GUCY2F: variants seen among roughly 807,000 people sequenced by gnomAD.
GUCY2F encodes the protein guanylate cyclase 2F, retinal.
A neutral mutation model predicts 73.1 loss-of-function variants in GUCY2F; 61 were observed. The ratio of observed to expected loss-of-function variants is 0.83; its 90% CI spans 0.68 to 1.03. GUCY2F has a LOEUF of 1.03. GUCY2F is among the 50% of genes least tolerant of loss of function. The pLI, the probability that GUCY2F is intolerant of heterozygous loss-of-function variation, is 0.00. For synonymous variants in GUCY2F, 331 were observed against 307.8 expected (o/e 1.08, Z -0.79); for missense variants, 912 against 854.3 (o/e 1.07, Z -0.84).
intron 10 of GUCY2F, among the ~76,000 whole-genome samples, chrX:109,401,923 A>T (rs1224919041): frequency 3.6e-5 from 4 of 111,443 alleles, no homozygotes; most frequent in Admixed American, 2.9e-4. Flanking sequence ...TAAATAAACA[A>T]CTAGAAGCAG....
chrX:109,446,670 C>A (rs1156779709), intron 6 of GUCY2F, among the ~76,000 whole-genome samples: 1 of 111,829 alleles, frequency 8.9e-6, no homozygotes, highest in African/African-American at 3.3e-5. Flanking sequence ...ACCATAAAAA[C>A]CCTAGAAGAA....
chrX:109,392,694 T>C (rs1930596359), intron 13 of GUCY2F, among the ~76,000 whole-genome samples, 198 bp downstream of exon 13: 1 of 111,694 alleles, frequency 9.0e-6, no homozygotes, highest in Non-Finnish European at 1.9e-5. Context: ...TAGTGGAAAA[T>C]TAGGATGTGT....
At chrX:109,447,497 C>T (rs1357598511) in intron 6 of GUCY2F, among the ~76,000 whole-genome samples, 1 of 109,158 alleles carries the variant, frequency 9.2e-6, no homozygotes, top group Non-Finnish European at 1.9e-5. Flanking sequence ...AAGCTGGAAA[C>T]CATCATTCTC....
chrX:109,413,912 G>T (rs1186981082), intron 8 of GUCY2F, among the ~76,000 whole-genome samples: 2 of 110,596 alleles, frequency 1.8e-5, no homozygotes, highest in African/African-American at 6.6e-5. Context: ...AGCTATATCA[G>T]CAATTGCTGT....
chrX:109,402,768 A>T (rs1930875766), intron 10 of GUCY2F, among the ~76,000 whole-genome samples: 1 of 111,840 alleles, frequency 8.9e-6, no homozygotes, highest in Non-Finnish European at 1.9e-5. Context: ...GTTTGGAGCA[A>T]ATCATGAGCT....
At chrX:109,397,725 T>C (rs185404367) in intron 11 of GUCY2F, among the ~76,000 whole-genome samples, 3 of 112,442 alleles carry the variant, frequency 2.7e-5, no homozygotes, top group African/African-American at 9.7e-5. Context: ...TTCATCATTC[T>C]TTTCCTGTCT....
At chrX:109,474,120 A>G (rs1932630874) in intron 2 of GUCY2F, among the ~76,000 whole-genome samples, 1 of 111,991 alleles carries the variant, frequency 8.9e-6, no homozygotes, top group Non-Finnish European at 1.9e-5. Flanking sequence ...AAGCCACTTG[A>G]AACTTAAAAC....
At chrX:109,385,548 A>G (rs1930416842) in intron 15 of GUCY2F, among the ~76,000 whole-genome samples, 1 of 111,813 alleles carries the variant, frequency 8.9e-6, no homozygotes, top group African/African-American at 3.2e-5. Context: ...TATATTTGTC[A>G]ACAGGGACAA....
intron 2 of GUCY2F, among the ~76,000 whole-genome samples, chrX:109,467,644 T>C (rs184501900): frequency 3.6e-5 from 4 of 112,166 alleles, no homozygotes; most frequent in African/African-American, 9.7e-5. Context: ...GGTGTGTTAG[T>C]AGCTGATAGG....
At chrX:109,443,370 T>C (rs1210472725) in intron 6 of GUCY2F, among the ~76,000 whole-genome samples, 1 of 111,805 alleles carries the variant, frequency 8.9e-6, no homozygotes, top group Admixed American at 9.5e-5. Flanking sequence ...TATAAGAGTA[T>C]ACCAATCCCT....
intron 11 of GUCY2F, 136 bp from the exon 12 acceptor site, chrX:109,395,625 CT>C: frequency 2.1e-6 from 1 of 486,756 alleles, no homozygotes; most frequent in African/African-American, 2.3e-5. Flanking sequence ...TTGCTCTCTC[CT>C]TAGGTGGCCT....
rs112933565 is a variant in GUCY2F, at chrX:109,454,037, GTT to G, written c.1033-180_1033-179del. Among the ~76,000 whole-genome samples, 358 of 108,330 alleles carry G rather than the reference GTT, an allele frequency of 3.3e-3. 6 individuals are homozygous for G. Among genetic ancestry groups the G allele is most frequent in the African/African-American group, 0.011 (335 of 29,793 alleles). 94.1% of individuals were successfully genotyped at this position (108,330 alleles called of 115,157 possible). A position where few individuals can be genotyped will look rare whatever the true frequency, so the allele number is the denominator to read the frequency against. The stretch of plus-strand genomic sequence containing the variant: ...CTTGGTTTCTCCCCTGAATTTTTCT[GTT>G]TTTTTTTCCCCCAGGCTGTCACATC... On this transcript the variant is annotated intron_variant, in intron 3 of 19. Transcript: ENST00000218006.
intron 8 of GUCY2F, among the ~76,000 whole-genome samples, chrX:109,429,236 A>G (rs1293744762): frequency 9.0e-6 from 1 of 111,056 alleles, no homozygotes; most frequent in Non-Finnish European, 1.9e-5. Flanking sequence ...ACATGGTGAA[A>G]CCCTGTCTCT....
At position 109,385,447 on chromosome X, in the gene GUCY2F, C is replaced by A. The variant is rs973984769; in HGVS notation, c.2957-165G>T. On this transcript the variant is annotated intron_variant, in intron 15 of 19. Transcript: ENST00000218006. ...GACACAATGAGTAGTGAACTCTTTG[C>A]CCTACAAGAAAGCAAATTTATAACA... Among the ~76,000 whole-genome samples the A allele has an allele frequency of 5.3e-5, 6 of 112,505 alleles. No homozygotes were observed. The Admixed American group carries it at 5.6e-4, about 11-fold the overall frequency.
chrX:109,422,554 T>TA (rs758284531), intron 8 of GUCY2F, among the ~76,000 whole-genome samples: 1 of 111,686 alleles, frequency 9.0e-6, no homozygotes, highest in Non-Finnish European at 1.9e-5. Context: ...GAATTAAAAA[T>TA]AAAAAACACT....
chrX:109,383,209 G>T (rs1047613312), intron 16 of GUCY2F, among the ~76,000 whole-genome samples: 3 of 111,390 alleles, frequency 2.7e-5, no homozygotes, highest in Non-Finnish European at 5.7e-5. Flanking sequence ...CTCAAAAAAG[G>T]TTGACCTATT....
intron 2 of GUCY2F, among the ~76,000 whole-genome samples, chrX:109,467,987 TG>T (rs1011889897): frequency 9.8e-5 from 11 of 112,182 alleles, no homozygotes; most frequent in African/African-American, 3.6e-4. Context: ...ATCTCAATTC[TG>T]GACAACTCTG....
chrX:109,453,468 G>T, intron 4 of GUCY2F, 37 bp downstream of exon 4: 2 of 933,265 alleles, frequency 2.1e-6, no homozygotes, highest in Non-Finnish European at 3.0e-6. Context: ...AACCCAAGCT[G>T]AGCCAAATTG....
chrX:109,384,874 T>C (rs781030018), intron 16 of GUCY2F, among the ~76,000 whole-genome samples: 23 of 111,198 alleles, frequency 2.1e-4, no homozygotes, highest in Admixed American at 1.8e-3. Context: ...GCCCGGCCAA[T>C]TTTTTTCTTT....
Sources: gnomAD v4.1 joint callset for allele counts (sites outside exome capture counted in the v4.1 genomes callset) on GRCh38, gnomAD v4.1.1 for gene constraint, MANE v1.5 for transcripts, NCBI Gene and HGNC (gene_info 2026-07-23, HGNC 2026-07-21) for gene names.